The following GK5 variants were observed in gnomAD, a reference collection of about 807,000 sequenced individuals.
The protein encoded by GK5 is glycerol kinase 5, also known as ATP:glycerol 3-phosphotransferase 5.
Under a neutral mutation model 77.3 loss-of-function variants are expected in GK5, and 39 were observed. The observed-to-expected ratio is 0.50, with a 90% CI of 0.39 to 0.66. GK5 has a LOEUF of 0.66. Among genes scored for constraint, GK5 ranks in the 30% least tolerant of loss-of-function variants. The pLI, the probability that GK5 is intolerant of heterozygous loss-of-function variation, is 0.00. For synonymous variants in GK5, 211 were observed against 208.0 expected (o/e 1.01, Z -0.13); for missense variants, 487 against 633.8 (o/e 0.77, Z 2.49).
chr3:142,171,092 G>A (rs1319723907), intron 14 of GK5, among the ~76,000 whole-genome samples: 6 of 152,064 alleles, frequency 3.9e-5, no homozygotes, highest in Admixed American at 1.3e-4. Context: ...TTAGCTGGGC[G>A]TGGTGGTGCA....
chr3:142,198,803 T>G lies in GK5; in HGVS notation c.542A>C (p.Glu181Ala). ...RLVWILQNLTEVQKAVEEENC... is the reference protein window; with the variant it reads ...RLVWILQNLTAVQKAVEEENC... The stretch of plus-strand genomic sequence containing the variant: ...CACATACACACAGTATTTTCTTACC[T>G]CAGTCAAGTTCTGTAAAATCCAGAC... Residue 181 changes from glutamate to alanine, a missense_variant and splice_region_variant, in exon 5 of 16, where the codon GAG (glutamate) becomes GCG (alanine). By Grantham distance (107) the Glu-to-Ala change is moderately radical. This residue lies in a region of GK5 where 323 missense variants were observed against 437.4 expected (regional missense o/e 0.74). Transcript: ENST00000392993. 1 of 1,608,420 alleles carries G rather than the reference T, an allele frequency of 6.2e-7. No homozygotes were observed. Among genetic ancestry groups the G allele is most frequent in the Non-Finnish European group, 8.5e-7 (1 of 1,178,038 alleles).
chr3:142,212,836 T>TTTTTCTTTTTTC (rs2064208672), intron 3 of GK5, among the ~76,000 whole-genome samples: 1 of 148,658 alleles, frequency 6.7e-6, no homozygotes, highest in South Asian at 2.1e-4. Flanking sequence ...TTTCTTTTTT[T>TTTTTCTTTTTTC]TTTCTTTTTT....
At chr3:142,176,431 A>G (rs796733775) in intron 12 of GK5, among the ~76,000 whole-genome samples, 10 of 152,238 alleles carry the variant, frequency 6.6e-5, no homozygotes, top group African/African-American at 2.4e-4. Flanking sequence ...AAAGTTTAGT[A>G]AACTTTAACT....
intron 3 of GK5, among the ~76,000 whole-genome samples, chr3:142,210,486 A>T (rs762444741): frequency 2.0e-5 from 3 of 152,208 alleles, no homozygotes; most frequent in Admixed American, 6.5e-5. Flanking sequence ...CTGGGGCCCA[A>T]TGAGCAGAAT....
At chr3:142,210,482 C>T (rs1019005616) in intron 3 of GK5, among the ~76,000 whole-genome samples, 1 of 152,114 alleles carries the variant, frequency 6.6e-6, no homozygotes, top group Non-Finnish European at 1.5e-5. Flanking sequence ...CTCCCTGGGG[C>T]CCAATGAGCA....
chr3:142,193,483 C>CAAAAA (rs1161095979), intron 5 of GK5, among the ~76,000 whole-genome samples: 1 of 70,904 alleles, frequency 1.4e-5, no homozygotes. Flanking sequence ...TTGTCTGCTA[C>CAAAAA]AAAAAAAAAA....
chr3:142,192,253 G>T (rs2063862480), intron 5 of GK5, among the ~76,000 whole-genome samples: 1 of 152,172 alleles, frequency 6.6e-6, no homozygotes. Context: ...CTCTCCAACT[G>T]TTGGTGGGAA....
intron 14 of GK5, 84 bp downstream of exon 14, chr3:142,171,335 A>G: frequency 1.6e-6 from 2 of 1,246,774 alleles, no homozygotes; most frequent in Non-Finnish European, 2.1e-6. Context: ...TTCAGGATCT[A>G]AAAAAGAAAT....
intron 5 of GK5, among the ~76,000 whole-genome samples, chr3:142,193,317 G>A (rs557039407): frequency 6.6e-6 from 1 of 152,222 alleles, no homozygotes; most frequent in Non-Finnish European, 1.5e-5. Context: ...CAAATGGTAA[G>A]TATGTGAAAA....
Position 142,186,487 on chromosome 3 carries a change from T to C in GK5, c.646A>G (p.Asn216Asp). Residue 216 changes from asparagine to aspartate, a missense_variant, in exon 7 of 16, where the codon AAT becomes GAT. By Grantham distance (23) the Asn-to-Asp change is conservative. Transcript: ENST00000392993. ...KGSVYATDFS[N>D]ASTTGLFDPY... ...TCAAAAAGTCCAGTTGTACTAGCAT[T>C]TGAAAAATCTGTGGCATATACAGAA... 1 of 1,555,716 alleles carries C rather than the reference T, an allele frequency of 6.4e-7. No individual in the cohort carries two copies. Among genetic ancestry groups the C allele is most frequent in the Non-Finnish European group, 8.7e-7 (1 of 1,148,380 alleles).
chr3:142,182,337 C>A (rs933738044), intron 10 of GK5, among the ~76,000 whole-genome samples: 1 of 151,796 alleles, frequency 6.6e-6, no homozygotes, highest in Non-Finnish European at 1.5e-5. Flanking sequence ...AAATTTAGAA[C>A]CCTAGTAAGA....
intron 5 of GK5, among the ~76,000 whole-genome samples, chr3:142,193,774 T>C (rs2063889705): frequency 6.6e-6 from 1 of 152,178 alleles, no homozygotes. Context: ...AGCATCTCGC[T>C]CTGTTGCCCA....
intron 9 of GK5, 186 bp downstream of exon 9, chr3:142,185,743 C>A (rs746618055): frequency 1.9e-6 from 3 of 1,547,772 alleles, no homozygotes; most frequent in Non-Finnish European, 2.6e-6. Context: ...GCTCAATGGT[C>A]CCCTTCCCAA....
Position 142,215,593 on chromosome 3 carries a change from A to G in GK5, c.241+6T>C. The stretch of plus-strand genomic sequence containing the variant: ...AGATTATTGTTATTTTTATAAATCC[A>G]ATTACCTTTGACTGCTTCTTTTATT... On this transcript the variant is annotated splice_donor_region_variant and intron_variant, in intron 2 of 15. Coordinates refer to ENST00000392993, the MANE Select transcript of GK5 (RefSeq NM_001039547.3). 2 of 1,444,484 alleles carry G rather than the reference A, an allele frequency of 1.4e-6. No homozygotes were observed. The highest frequency in any genetic ancestry group is 1.9e-6 in the Non-Finnish European group (2 of 1,038,292). The allele number at this position is 1,444,484 out of a possible 1,614,324, so 89.5% of individuals were successfully genotyped here. A position where few individuals can be genotyped will look rare whatever the true frequency, so the allele number is the denominator to read the frequency against.
At chr3:142,186,058 GT>G in intron 8 of GK5, 69 bp from the exon 9 acceptor site, 6 of 1,360,222 alleles carry the variant, frequency 4.4e-6, no homozygotes, top group Non-Finnish European at 3.1e-6. Context: ...TCAGCAAATT[GT>G]TTTTTTGCAT....
chr3:142,190,170 A>C (rs1464835526), intron 5 of GK5, among the ~76,000 whole-genome samples: 1 of 152,214 alleles, frequency 6.6e-6, no homozygotes, highest in African/African-American at 2.4e-5. Flanking sequence ...AGAGTGAATA[A>C]TAGATTGGAA....
rs2063520750 is a variant in GK5, at chr3:142,170,311, A to C, written c.1441+14T>G. 1.2e-6 allele frequency: 2 copies of C among 1,613,476 alleles called. No homozygotes were observed. The highest frequency in any genetic ancestry group is 1.7e-6 in the Non-Finnish European group (2 of 1,179,612). Reference sequence around the variant, plus strand: ...TTGCAAGAAAACTCTCATTCTTATAAATTTCACACATACCAACAGCAAGGC... The same window carrying C: ...TTGCAAGAAAACTCTCATTCTTATACATTTCACACATACCAACAGCAAGGC... On this transcript the variant is annotated intron_variant, in intron 15 of 15. Coordinates refer to ENST00000392993, the MANE Select transcript of GK5 (RefSeq NM_001039547.3).
Position 142,213,539 on chromosome 3 carries a change from T to G in GK5, c.304A>C (p.Ile102Leu), listed in dbSNP as rs1450808324. The G allele has an allele frequency of 1.2e-6, 2 of 1,605,822 alleles. No individual in the cohort carries two copies. Among genetic ancestry groups the G allele is most frequent in the Non-Finnish European group, 8.5e-7 (1 of 1,172,446 alleles). The change falls in exon 3 of 16, where the codon ATT becomes CTT. Residue 102 changes from isoleucine (I) to leucine (L), a missense_variant. By Grantham distance (5) the Ile-to-Leu change is conservative. Coordinates refer to ENST00000392993, the MANE Select transcript of GK5 (RefSeq NM_001039547.3). The part of the protein sequence containing the change: ...LGISTQRATF[I>L]TWNKKTGNHF... ...GAATGTACTTACTTGTTCCACGTAA[T>G]AAAAGTTGCTCTCTGTGTTGAAATG...
intron 12 of GK5, chr3:142,173,338 G>T (rs2063565039): frequency 3.7e-6 from 1 of 273,038 alleles, no homozygotes; most frequent in Non-Finnish European, 7.5e-6. Context: ...ATCAGATGAG[G>T]TTTCTATTCA....
Sources: allele counts gnomAD v4.1 joint callset (sites outside exome capture counted in the v4.1 genomes callset), GRCh38; gene constraint gnomAD v4.1.1; regional missense constraint gnomAD v4.1.1; transcripts MANE v1.5; gene names NCBI Gene and HGNC (gene_info 2026-07-23, HGNC 2026-07-21).